The following WWC1 variants were observed in gnomAD, a reference collection of about 807,000 sequenced individuals.
The protein encoded by WWC1 is WW and C2 domain containing 1.
Under a neutral mutation model 138.4 loss-of-function variants are expected in WWC1, and 55 were observed. The observed-to-expected ratio is 0.40, with a 90% CI of 0.32 to 0.50. The LOEUF (loss-of-function observed/expected upper bound fraction) is 0.50. Among genes scored for constraint, WWC1 ranks in the 20% least tolerant of loss-of-function variants. The pLI, the probability that WWC1 is intolerant of heterozygous loss-of-function variation, is 0.72. For synonymous variants in WWC1, 524 were observed against 564.9 expected, an observed-to-expected ratio of 0.93 and a Z score of 1.03; for missense variants, 1,226 against 1,420.4, an observed-to-expected ratio of 0.86 and a Z score of 2.20.
intron 11 of WWC1, among the ~76,000 whole-genome samples, chr5:168,425,687 C>T (rs186292714): frequency 6.4e-4 from 97 of 151,074 alleles, no homozygotes; most frequent in African/African-American, 2.2e-3. Context: ...TTAGTAGAGG[C>T]GGGCTTTCAC....
rs111774848 is a variant in WWC1, at chr5:168,361,911, A to ATC, written c.120-9509_120-9508dup. On this transcript the variant is annotated intron_variant, in intron 1 of 22. Transcript: ENST00000265293. ...AGCCTGGCCAACATGGTGAAACCCC[A>ATC]TCTCTACTAAAAATAGAAAAAATTA... Among the ~76,000 whole-genome samples, 209 of 152,166 alleles carry ATC rather than the reference A, an allele frequency of 1.4e-3. 1 individual carries two copies. Among genetic ancestry groups the ATC allele is most frequent in the African/African-American group, 4.8e-3 (201 of 41,520 alleles).
intron 5 of WWC1, among the ~76,000 whole-genome samples, chr5:168,404,522 C>T (rs1035735847): frequency 1.3e-5 from 2 of 152,188 alleles, no homozygotes; most frequent in Non-Finnish European, 2.9e-5. Context: ...CTCCATGCCT[C>T]GCTCTCTCCT....
In WWC1 at chr5:168,351,476, C is replaced by G. The variant is rs577324307; in HGVS notation, c.120-19948C>G. Among the ~76,000 whole-genome samples the G allele has an allele frequency of 7.9e-5, 12 of 152,272 alleles. No individual in the cohort carries two copies. In the East Asian group the frequency reaches 2.3e-3, roughly 29 times the overall value. Reference sequence around the variant, plus strand: ...GAAATGAATCCAACTCGGACCTTGTCTCGAAGCGACTTCCACTCTAGGAGG... The same window carrying G: ...GAAATGAATCCAACTCGGACCTTGTGTCGAAGCGACTTCCACTCTAGGAGG... On this transcript the variant is annotated intron_variant, in intron 1 of 22. Coordinates refer to ENST00000265293, the MANE Select transcript of WWC1 (RefSeq NM_015238.3).
intron 1 of WWC1, among the ~76,000 whole-genome samples, chr5:168,300,926 CT>C (rs1770011821): frequency 6.6e-6 from 1 of 152,242 alleles, no homozygotes; most frequent in African/African-American, 2.4e-5. Context: ...AGTCCTACAT[CT>C]GTCGTGGCTT....
At chr5:168,326,073 G>A (rs1772508569) in intron 1 of WWC1, among the ~76,000 whole-genome samples, 2 of 152,064 alleles carry the variant, frequency 1.3e-5, no homozygotes, top group Admixed American at 1.3e-4. Flanking sequence ...GGACATTTGG[G>A]TTGCTTTCAC....
intron 8 of WWC1, among the ~76,000 whole-genome samples, chr5:168,413,823 T>A (rs1780395918): frequency 6.6e-6 from 1 of 152,220 alleles, no homozygotes; most frequent in African/African-American, 2.4e-5. Context: ...TTCTGATGAA[T>A]GAATTTTTCT....
intron 1 of WWC1, among the ~76,000 whole-genome samples, chr5:168,300,931 G>A (rs181473119): frequency 6.6e-6 from 1 of 152,370 alleles, no homozygotes; most frequent in Admixed American, 6.5e-5. Context: ...TACATCTGTC[G>A]TGGCTTTTCT....
chr5:168,313,046 G>T (rs1457635527), intron 1 of WWC1, among the ~76,000 whole-genome samples: 3 of 151,860 alleles, frequency 2.0e-5, no homozygotes, highest in African/African-American at 7.3e-5. Flanking sequence ...GACCTCAAGT[G>T]ATTCACCCGC....
intron 17 of WWC1, among the ~76,000 whole-genome samples, chr5:168,448,235 C>T (rs994465745): frequency 2.6e-5 from 4 of 152,172 alleles, no homozygotes; most frequent in African/African-American, 9.7e-5. Flanking sequence ...ACTGGCCTTG[C>T]CATGCCTGCT....
intron 3 of WWC1, among the ~76,000 whole-genome samples, chr5:168,387,083 A>C (rs1778101638): frequency 1.3e-5 from 2 of 152,142 alleles, no homozygotes; most frequent in Admixed American, 1.3e-4. Flanking sequence ...AATTAATATC[A>C]CCCTTTTACA....
chr5:168,437,367 A>G lies in WWC1; in HGVS notation c.2281-4315A>G, dbSNP rs543909199. On this transcript the variant is annotated intron_variant, in intron 15 of 22. Transcript: ENST00000265293. ...TCTCTACATTTTACTTCTGAAATCA[A>G]GATGCACTATGTACTAGATGACAGG... 3.9e-5 allele frequency among the ~76,000 whole-genome samples: 6 copies of G among 152,350 alleles called. No homozygotes were observed. In the South Asian group the frequency reaches 1.2e-3, roughly 32 times the overall value.
At chr5:168,400,940 G>A (rs1779260874) in intron 5 of WWC1, among the ~76,000 whole-genome samples, 1 of 151,210 alleles carries the variant, frequency 6.6e-6, no homozygotes, top group African/African-American at 2.4e-5. Flanking sequence ...GAGAGAAAGA[G>A]AAAAAGCCCT....
chr5:168,401,837 T>C (rs932165273), intron 5 of WWC1, among the ~76,000 whole-genome samples: 2 of 152,192 alleles, frequency 1.3e-5, no homozygotes, highest in South Asian at 4.1e-4. Flanking sequence ...AGTAGCACCA[T>C]TGACAGTTTG....
Position 168,388,924 on chromosome 5 carries a change from A to G in WWC1, c.433+3510A>G, listed in dbSNP as rs114203301. On this transcript the variant is annotated intron_variant, in intron 3 of 22. Transcript: ENST00000265293. ...CCAGATTTTGCCACCATTTCTAATC[A>G]TGATTAGTAGAGGGCTTATTGTGAA... Among the ~76,000 whole-genome samples the G allele has an allele frequency of 3.0e-3, 457 of 152,262 alleles. 3 individuals are homozygous for G. Among genetic ancestry groups the G allele is most frequent in the African/African-American group, 0.011 (438 of 41,554 alleles).
chr5:168,390,669 C>T (rs996953476), intron 3 of WWC1, among the ~76,000 whole-genome samples: 60 of 152,228 alleles, frequency 3.9e-4, no homozygotes, highest in Non-Finnish European at 8.4e-4. Context: ...TGAAGTCACA[C>T]GCCTGTTCTC....
Position 168,380,093 on chromosome 5 carries a change from C to G in WWC1, c.230-5118C>G, listed in dbSNP as rs143996392. On this transcript the variant is annotated intron_variant, in intron 2 of 22. Transcript: ENST00000265293. ...AGCCACAGATAAGGAGACAATATTG[C>G]AATACATATCTCTAACAAAGAACCA... Among the ~76,000 whole-genome samples, 5 of 152,250 alleles carry G rather than the reference C, an allele frequency of 3.3e-5. No individual in the cohort carries two copies. The East Asian group carries it at 9.6e-4, about 29-fold the overall frequency.
chr5:168,421,341 C>T (rs1168283855), intron 9 of WWC1, among the ~76,000 whole-genome samples: 1 of 152,252 alleles, frequency 6.6e-6, no homozygotes, highest in East Asian at 1.9e-4. Context: ...GTCTCAGCCA[C>T]AGAGTCACTT....
At chr5:168,330,373 G>A (rs759101341) in intron 1 of WWC1, among the ~76,000 whole-genome samples, 15 of 152,204 alleles carry the variant, frequency 9.9e-5, no homozygotes, top group Non-Finnish European at 1.5e-4. Flanking sequence ...AGCTACTCAT[G>A]AGTTGTGTAA....
At chr5:168,434,961 A>G in intron 15 of WWC1, among the ~76,000 whole-genome samples, 1 of 152,142 alleles carries the variant, frequency 6.6e-6, no homozygotes, top group East Asian at 1.9e-4. Context: ...AGCCCTGTCA[A>G]AGTGAACTCT....
Sources: allele counts gnomAD v4.1 joint callset (sites outside exome capture counted in the v4.1 genomes callset), GRCh38; gene constraint gnomAD v4.1.1; transcripts MANE v1.5; gene names NCBI Gene and HGNC (gene_info 2026-07-23, HGNC 2026-07-21).